SPPL2B: variants seen among roughly 807,000 people sequenced by gnomAD.
The protein encoded by SPPL2B is signal peptide peptidase like 2B, also known as signal peptide peptidase-like 2B.
SPPL2B carries 39 observed loss-of-function variants against 59.7 expected under a neutral mutation model. The ratio of observed to expected loss-of-function variants is 0.65; its 90% CI spans 0.51 to 0.85. SPPL2B has a LOEUF of 0.85. Ranked by LOEUF, SPPL2B falls within the 40% of genes least tolerant of loss-of-function variation. SPPL2B has a pLI of 0.00. For missense variants in SPPL2B, 865 were observed against 849.0 expected (o/e 1.02, Z -0.23); for synonymous variants, 419 against 370.8 (o/e 1.13, Z -1.49).
intron 9 of SPPL2B, among the ~76,000 whole-genome samples, chr19:2,343,730 T>C (rs958717574): frequency 6.6e-6 from 1 of 152,078 alleles, no homozygotes; most frequent in Non-Finnish European, 1.5e-5. Context: ...GCCTCCGCCC[T>C]CCCGTCCCCG....
intron 1 of SPPL2B, 26 bp from the exon 2 acceptor site, chr19:2,334,576 C>T (rs757932942): frequency 6.3e-7 from 1 of 1,599,364 alleles, no homozygotes; most frequent in South Asian, 1.1e-5. Context: ...CGTGCTGTGG[C>T]TCTGACTGCT....
chr19:2,337,827 C>A, intron 3 of SPPL2B: 1 of 562,154 alleles, frequency 1.8e-6, no homozygotes, highest in Non-Finnish European at 3.1e-6. Context: ...TGAGTCTGTT[C>A]TTCCTGAGCT....
chr19:2,333,846 A>G (rs934541649), intron 1 of SPPL2B, among the ~76,000 whole-genome samples: 3 of 152,160 alleles, frequency 2.0e-5, no homozygotes, highest in Non-Finnish European at 4.4e-5. Flanking sequence ...CCTCCTGCGA[A>G]GTGGGAGCTG....
Position 2,344,420 on chromosome 19 carries a change from A to G in SPPL2B, c.1172A>G (p.Glu391Gly). The G allele has an allele frequency of 6.4e-7, 1 of 1,562,074 alleles. No homozygotes were observed. The highest frequency in any genetic ancestry group is 8.7e-7 in the Non-Finnish European group (1 of 1,153,938). Residue 391 changes from glutamate to glycine, a missense_variant, in exon 11 of 15, where the codon GAG becomes GGG. Glu to Gly is a moderately conservative substitution (Grantham distance 98). Coordinates refer to ENST00000613503, the MANE Select transcript of SPPL2B (RefSeq NM_152988.3). ...ATGPSDSATR[E>G]KLPMVLKVPR... ...GGGCCCTCGGACTCAGCCACCCGTGAGAAGGTGTGTCTTCTGACTGCAGGG... is the reference window on the plus strand; with the variant it reads ...GGGCCCTCGGACTCAGCCACCCGTGGGAAGGTGTGTCTTCTGACTGCAGGG...
intron 13 of SPPL2B, among the ~76,000 whole-genome samples, chr19:2,347,138 C>G (rs569511763): frequency 2.0e-5 from 3 of 146,934 alleles, no homozygotes; most frequent in East Asian, 2.0e-4. Context: ...CACACACTTA[C>G]GCGCTCTCAT....
chr19:2,331,559 G>C (rs937857057), intron 1 of SPPL2B, among the ~76,000 whole-genome samples: 6 of 152,202 alleles, frequency 3.9e-5, no homozygotes, highest in Non-Finnish European at 8.8e-5. Context: ...GCCTTTGATA[G>C]AGGCACAGGC....
intron 2 of SPPL2B, 93 bp from the exon 3 acceptor site, chr19:2,337,350 A>G: frequency 8.0e-6 from 10 of 1,251,152 alleles, no homozygotes; most frequent in Non-Finnish European, 1.1e-5. Context: ...GCTGGGATCT[A>G]ACTCAGCGCA....
At chr19:2,336,511 TGTGA>T (rs761069267) in intron 2 of SPPL2B, among the ~76,000 whole-genome samples, 15 of 151,928 alleles carry the variant, frequency 9.9e-5, no homozygotes, top group African/African-American at 2.2e-4. Flanking sequence ...GGTATGTGCG[TGTGA>T]GTGTGTGAGT....
intron 13 of SPPL2B, among the ~76,000 whole-genome samples, chr19:2,349,846 C>G (rs1025542480): frequency 9.5e-5 from 13 of 136,502 alleles, no homozygotes; most frequent in Non-Finnish European, 1.7e-4. Flanking sequence ...CACACACTCA[C>G]GCTCTCATTC....
rs1970017916 is a variant in SPPL2B at position 2,353,039 on chromosome 19, A to G, written c.1609A>G (p.Ser537Gly). ...SATPLSPQPP[S>G]EEPATSPWPA... ...CACGCCACTCTCCCCGCAGCCGCCC[A>G]GCGAAGAACCAGCCACATCCCCCTG... Residue 537 changes from serine (S) to glycine (G), a missense_variant, in exon 15 of 15, where the codon AGC becomes GGC. Transcript: ENST00000613503. 6.2e-7 allele frequency: 1 copy of G among 1,611,788 alleles called. No homozygotes were observed. The highest frequency in any genetic ancestry group is 1.3e-5 in the African/African-American group (1 of 74,868).
At chr19:2,328,901 C>T in intron 1 of SPPL2B, 126 bp downstream of exon 1, 1 of 857,570 alleles carries the variant, frequency 1.2e-6, no homozygotes, top group Non-Finnish European at 1.6e-6. Context: ...GATCCGCCGT[C>T]CCCGCGTTGT....
Position 2,346,712 on chromosome 19 carries a change from A to G in SPPL2B, c.1354+1382A>G, listed in dbSNP as rs1213509919. Reference sequence around the variant, plus strand: ...AAAGAAAAAATAAAAACACAGCTGCAGAGATTTGTCTCTCCTGAAACATAA... The same window carrying G: ...AAAGAAAAAATAAAAACACAGCTGCGGAGATTTGTCTCTCCTGAAACATAA... On this transcript the variant is annotated intron_variant, in intron 13 of 14. Transcript: ENST00000613503. Among the ~76,000 whole-genome samples, 5 of 152,206 alleles carry G rather than the reference A, an allele frequency of 3.3e-5. No homozygotes were observed. The East Asian group carries it at 9.6e-4, about 29-fold the overall frequency.
At chr19:2,346,157 C>T (rs888810098) in intron 13 of SPPL2B, among the ~76,000 whole-genome samples, 5 of 152,248 alleles carry the variant, frequency 3.3e-5, no homozygotes, top group Non-Finnish European at 7.3e-5. Flanking sequence ...AGGAAAGAAG[C>T]TGTGGTGCTT....
At chr19:2,350,485 A>G (rs1442225462) in intron 13 of SPPL2B, among the ~76,000 whole-genome samples, 2 of 149,490 alleles carry the variant, frequency 1.3e-5, no homozygotes, top group African/African-American at 5.0e-5. Context: ...TCACGCTTTC[A>G]TTCGCTTGAT....
intron 13 of SPPL2B, among the ~76,000 whole-genome samples, chr19:2,348,815 T>C (rs1170220002): frequency 1.5e-4 from 9 of 60,472 alleles, no homozygotes; most frequent in East Asian, 1.4e-3. Flanking sequence ...CACACTCGTG[T>C]TCTCATTCGC....
rs1433024062 is a variant in SPPL2B, at chr19:2,332,879, C to T, written c.67-1723C>T. ...CCTGGCGAGATGGAGATGTCTTTGT[C>T]AGCTGCTGGGTGGGGGCCCTGGGCA... On this transcript the variant is annotated intron_variant, in intron 1 of 14. Transcript: ENST00000613503. The surrounding 1 kb of genome is among the most constrained non-coding windows in gnomAD (Gnocchi z 4.6). Among the ~76,000 whole-genome samples, 1 of 151,938 alleles carries T rather than the reference C, an allele frequency of 6.6e-6. No homozygotes were observed. Among genetic ancestry groups the T allele is most frequent in the Non-Finnish European group, 1.5e-5 (1 of 68,000 alleles).
chr19:2,344,771 T>C, intron 12 of SPPL2B, 119 bp downstream of exon 12: 1 of 722,432 alleles, frequency 1.4e-6, no homozygotes. Context: ...GCCCTGAGGG[T>C]CAGAGTCGGG....
chr19:2,335,863 CGT>C (rs1968569435), intron 2 of SPPL2B, among the ~76,000 whole-genome samples: 1 of 152,250 alleles, frequency 6.6e-6, no homozygotes, highest in Non-Finnish European at 1.5e-5. Context: ...ATAGTGTGTG[CGT>C]GTGAGCACGT....
At position 2,341,032 on chromosome 19, in the gene SPPL2B, C is replaced by T. The variant is rs535889523; in HGVS notation, c.956+18C>T. ...GAGGACCAGTAAGTGCTGCTTCCCC[C>T]GGGCCCCGGCGGGCAGCGGAGTCCT... On this transcript the variant is annotated intron_variant, in intron 8 of 14. Transcript: ENST00000613503. The T allele has an allele frequency of 5.7e-5, 89 of 1,572,924 alleles. No homozygotes were observed. Among genetic ancestry groups the T allele is most frequent in the South Asian group, 3.0e-4 (27 of 90,308 alleles).
Sources: allele counts gnomAD v4.1 joint callset (sites outside exome capture counted in the v4.1 genomes callset), GRCh38; gene constraint gnomAD v4.1.1; non-coding constraint Gnocchi (gnomAD v3.1); transcripts MANE v1.5; gene names NCBI Gene and HGNC (gene_info 2026-07-23, HGNC 2026-07-21).